Variants in ARHGEF11 observed in about 807,000 individuals in gnomAD.
ARHGEF11 encodes Rho guanine nucleotide exchange factor 11.
ARHGEF11 carries 55 observed loss-of-function variants against 193.7 expected under a neutral mutation model. That is an observed-to-expected ratio of 0.28 (90% CI 0.23 to 0.36). The LOEUF (loss-of-function observed/expected upper bound fraction) is 0.36, where lower values mean the gene tolerates loss of function less well. Ranked by LOEUF, ARHGEF11 falls within the 10% of genes least tolerant of loss-of-function variation. The pLI, the probability that ARHGEF11 is intolerant of heterozygous loss-of-function variation, is 1.00. For synonymous variants in ARHGEF11, 693 were observed against 768.0 expected (o/e 0.90, Z 1.62); for missense variants, 1,723 against 2,005.6 (o/e 0.86, Z 2.69).
At chr1:157,028,261 A>T (rs1309848950) in intron 1 of ARHGEF11, among the ~76,000 whole-genome samples, 1 of 152,250 alleles carries the variant, frequency 6.6e-6, no homozygotes. Context: ...ATTGGAGACT[A>T]TAAGACATGA....
At chr1:156,962,113 C>T (rs1312351423) in intron 13 of ARHGEF11, among the ~76,000 whole-genome samples, 3 of 152,230 alleles carry the variant, frequency 2.0e-5, no homozygotes, top group Admixed American at 1.3e-4. Context: ...CCTCTCCACA[C>T]GTGCTATTTC....
intron 3 of ARHGEF11, among the ~76,000 whole-genome samples, chr1:156,983,825 C>G (rs1664544854): frequency 6.6e-6 from 1 of 152,212 alleles, no homozygotes; most frequent in Non-Finnish European, 1.5e-5. Flanking sequence ...CTTCCAAACA[C>G]CATTTCCCCT....
At chr1:157,018,378 T>A (rs1322818189) in intron 1 of ARHGEF11, among the ~76,000 whole-genome samples, 1 of 152,056 alleles carries the variant, frequency 6.6e-6, no homozygotes, top group Non-Finnish European at 1.5e-5. Context: ...GCGCGGTGGC[T>A]CATGCCTGTA....
chr1:156,961,525 T>C, intron 14 of ARHGEF11, 152 bp downstream of exon 14: 2 of 652,994 alleles, frequency 3.1e-6, no homozygotes, highest in East Asian at 2.7e-5. Flanking sequence ...AGAGTGGCGC[T>C]AGGAACAGAA....
chr1:156,940,028 G>T, intron 36 of ARHGEF11, 118 bp from the exon 37 acceptor site: 1 of 1,498,156 alleles, frequency 6.7e-7, no homozygotes, highest in Non-Finnish European at 8.9e-7. Flanking sequence ...GAAGCTGGAG[G>T]GCTCTGGCCA....
chr1:156,998,645 T>A (rs991193637), intron 1 of ARHGEF11, among the ~76,000 whole-genome samples: 5 of 152,202 alleles, frequency 3.3e-5, no homozygotes, highest in African/African-American at 1.2e-4. Flanking sequence ...AAGCCCTAAG[T>A]CAGACACAAT....
At chr1:156,996,628 C>T (rs555282516) in intron 1 of ARHGEF11, among the ~76,000 whole-genome samples, 13 of 151,574 alleles carry the variant, frequency 8.6e-5, no homozygotes, top group African/African-American at 2.9e-4. Flanking sequence ...AAAAAATTAG[C>T]CGGGCGTGGT....
chr1:156,939,448 G>A (rs1571134935), intron 37 of ARHGEF11, 100 bp downstream of exon 37: 1 of 1,544,520 alleles, frequency 6.5e-7, no homozygotes, highest in Non-Finnish European at 8.8e-7. Context: ...TGCTCACACG[G>A]TACCCAGGGG....
At chr1:156,965,538 C>T (rs112650298) in intron 11 of ARHGEF11, among the ~76,000 whole-genome samples, 11 of 152,344 alleles carry the variant, frequency 7.2e-5, no homozygotes, top group African/African-American at 2.6e-4. Flanking sequence ...GGCACAGCAG[C>T]TGGTACACTA....
At chr1:156,977,292 G>T (rs914590477) in intron 6 of ARHGEF11, among the ~76,000 whole-genome samples, 69 of 152,226 alleles carry the variant, frequency 4.5e-4, no homozygotes, top group Non-Finnish European at 1.9e-4. Context: ...CCCAGGACTT[G>T]TGGGCTCAGT....
intron 8 of ARHGEF11, 138 bp downstream of exon 8, chr1:156,971,559 G>A: frequency 8.5e-7 from 1 of 1,171,394 alleles, no homozygotes; most frequent in Non-Finnish European, 1.1e-6. Context: ...TGGTTTCTTT[G>A]TAAAATACTA....
chr1:156,936,339 G>A, intron 40 of ARHGEF11: 1 of 575,256 alleles, frequency 1.7e-6, no homozygotes, highest in Non-Finnish European at 3.4e-6. Context: ...CATTTAATCA[G>A]CACGAGTCTT....
intron 1 of ARHGEF11, among the ~76,000 whole-genome samples, chr1:157,008,982 T>C (rs539175415): frequency 6.6e-6 from 1 of 152,330 alleles, no homozygotes; most frequent in African/African-American, 2.4e-5. Flanking sequence ...CTAGCTATTG[T>C]TGAACTACAA....
intron 25 of ARHGEF11, 149 bp from the exon 26 acceptor site, chr1:156,947,599 T>A (rs949884509): frequency 1.1e-5 from 15 of 1,344,222 alleles, no homozygotes; most frequent in Admixed American, 8.1e-5. Context: ...TTTCTCTTAC[T>A]CCAAGGGCCA....
intron 1 of ARHGEF11, among the ~76,000 whole-genome samples, chr1:156,996,440 GA>G: frequency 6.6e-6 from 1 of 152,208 alleles, no homozygotes; most frequent in Non-Finnish European, 1.5e-5. Flanking sequence ...GCAGAAGGCA[GA>G]GGGAGGACAC....
chr1:157,040,251 G>A (rs1439355153), intron 1 of ARHGEF11, among the ~76,000 whole-genome samples: 1 of 152,142 alleles, frequency 6.6e-6, no homozygotes, highest in Non-Finnish European at 1.5e-5. Flanking sequence ...CTTATCATAC[G>A]TAGCTCTGGA....
intron 1 of ARHGEF11, among the ~76,000 whole-genome samples, chr1:156,988,319 GTCC>G (rs1665230472): frequency 6.6e-6 from 1 of 152,128 alleles, no homozygotes. Context: ...GCTCTTTACT[GTCC>G]TCCTTTCACT....
chr1:156,968,623 C>T (rs1174908412), intron 10 of ARHGEF11, among the ~76,000 whole-genome samples: 1 of 152,240 alleles, frequency 6.6e-6, no homozygotes, highest in East Asian at 1.9e-4. Context: ...CAATTGTGAT[C>T]TAAAATTAGG....
chr1:156,940,220 G>A lies in ARHGEF11; in HGVS notation c.3720C>T (p.Ser1240=), dbSNP rs376078328. The A allele has an allele frequency of 1.9e-5, 30 of 1,587,528 alleles. No individual in the cohort carries two copies. The highest frequency in any genetic ancestry group is 8.1e-5 in the African/African-American group (6 of 74,494). Reference sequence around the variant, plus strand: ...TGAAGCACTCACCATCTTCCAGAGCGGAGTCAGCGAGCCCTTCCATGAACA... The same window carrying A: ...TGAAGCACTCACCATCTTCCAGAGCAGAGTCAGCGAGCCCTTCCATGAACA... ...GPLFMEGLAD[S]ALEDVENLRH... Residue 1240 remains serine (S), a synonymous_variant, in exon 36 of 41, where the codon TCC becomes TCT. Coordinates refer to ENST00000368194, the MANE Select transcript of ARHGEF11 (RefSeq NM_198236.3).
Sources: gnomAD v4.1 joint callset for allele counts (sites outside exome capture counted in the v4.1 genomes callset) on GRCh38, gnomAD v4.1.1 for gene constraint, MANE v1.5 for transcripts, NCBI Gene and HGNC (gene_info 2026-07-23, HGNC 2026-07-21) for gene names.